Variants in NPLOC4 observed in about 807,000 individuals in gnomAD.
NPLOC4 encodes NPL4 homolog, ubiquitin recognition factor.
NPLOC4 carries 18 observed loss-of-function variants against 80.6 expected under a neutral mutation model. The ratio of observed to expected loss-of-function variants is 0.22; its 90% CI spans 0.15 to 0.33. The LOEUF is 0.33. Among genes scored for constraint, NPLOC4 ranks in the 10% least tolerant of loss-of-function variants. The pLI is 1.00. For synonymous variants in NPLOC4, 313 were observed against 301.5 expected, an observed-to-expected ratio of 1.04 and a Z score of -0.39; for missense variants, 540 against 786.1, an observed-to-expected ratio of 0.69 and a Z score of 3.74.
Position 81,596,182 on chromosome 17 carries a change from G to C in NPLOC4, c.1054C>G (p.Pro352Ala). ...TCTGGAGAGAGCCGGCACATGTTGG[G>C]ATGCTTGTTCTGGAAGTCTCCTGCA... is the stretch of plus-strand genomic sequence containing the variant. ...ITAGDFQNKH[P>A]NMCRLSPDGH... Residue 352 changes from proline to alanine, a missense_variant, in exon 11 of 17, where the codon CCC becomes GCC. Pro to Ala is a conservative substitution (Grantham distance 27, BLOSUM62 -1). This residue lies in a region of NPLOC4 where 251 missense variants were observed against 377.5 expected (regional missense o/e 0.66). Coordinates refer to ENST00000331134, the MANE Select transcript of NPLOC4 (RefSeq NM_017921.4). 6.2e-7 allele frequency: 1 copy of C among 1,613,996 alleles called. No homozygotes were observed. The highest frequency in any genetic ancestry group is 1.1e-5 in the South Asian group (1 of 91,088).
At chr17:81,576,241 A>G (rs904111867) in intron 12 of NPLOC4, among the ~76,000 whole-genome samples, 2 of 152,238 alleles carry the variant, frequency 1.3e-5, no homozygotes, top group Non-Finnish European at 2.9e-5. Context: ...ATAAAATTAA[A>G]TCCTAAAAGC....
chr17:81,565,394 A>G (rs2033979714), intron 16 of NPLOC4, 111 bp downstream of exon 16: 2 of 938,404 alleles, frequency 2.1e-6, no homozygotes, highest in East Asian at 5.2e-5. Flanking sequence ...ACCTGCCAGG[A>G]TGCAGCTGGG....
chr17:81,629,112 T>C (rs1403440178), intron 2 of NPLOC4, among the ~76,000 whole-genome samples: 1 of 151,700 alleles, frequency 6.6e-6, no homozygotes, highest in Non-Finnish European at 1.5e-5. Flanking sequence ...TCTCCTGACC[T>C]TGTGATCCGC....
chr17:81,610,426 T>A (rs2035310218), intron 4 of NPLOC4, among the ~76,000 whole-genome samples, 168 bp from the exon 5 acceptor site: 1 of 152,186 alleles, frequency 6.6e-6, no homozygotes. Flanking sequence ...TTGTTTTGTT[T>A]TGTTTAAAGA....
intron 1 of NPLOC4, among the ~76,000 whole-genome samples, chr17:81,633,122 C>A (rs1401574650): frequency 1.0e-5 from 1 of 100,360 alleles, no homozygotes; most frequent in Admixed American, 1.2e-4. Flanking sequence ...AGCAAGACTC[C>A]GTCTCAAAAA....
At chr17:81,559,994 C>CAA (rs1568111079) in intron 16 of NPLOC4, among the ~76,000 whole-genome samples, 4 of 151,868 alleles carry the variant, frequency 2.6e-5, no homozygotes, top group Non-Finnish European at 5.9e-5. Flanking sequence ...CTTGGCCTCC[C>CAA]AAAGTGCTGG....
rs941224950 is a variant in NPLOC4, at chr17:81,572,857, G to A, written c.1282-769C>T. ...CTGAAAACCCGACTTTCCAGAAACCGAGTACTTGGACATTAATAAAATAAA... is the reference window on the plus strand; with the variant it reads ...CTGAAAACCCGACTTTCCAGAAACCAAGTACTTGGACATTAATAAAATAAA... On this transcript the variant is annotated intron_variant, in intron 12 of 16. Transcript: ENST00000331134. The surrounding 1 kb of genome is among the most constrained non-coding windows in gnomAD (Gnocchi z 4.5). Among the ~76,000 whole-genome samples, 5 of 152,142 alleles carry A rather than the reference G, an allele frequency of 3.3e-5. No individual in the cohort carries two copies. Among genetic ancestry groups the A allele is most frequent in the Admixed American group, 6.5e-5 (1 of 15,284 alleles).
chr17:81,620,261 G>A (rs544523639), intron 3 of NPLOC4, among the ~76,000 whole-genome samples: 18 of 152,264 alleles, frequency 1.2e-4, no homozygotes, highest in Middle Eastern at 6.8e-3. Context: ...ACTTTGGAAG[G>A]CCAAGGCGGG....
intron 11 of NPLOC4, among the ~76,000 whole-genome samples, chr17:81,591,329 G>A (rs2034732347): frequency 6.6e-6 from 1 of 151,772 alleles, no homozygotes; most frequent in Non-Finnish European, 1.5e-5. Context: ...CAGCTACTCA[G>A]GAGGCAGAGG....
chr17:81,604,613 T>A lies in NPLOC4; in HGVS notation c.769A>T (p.Thr257Ser), dbSNP rs1246597164. The change falls in exon 8 of 17, where the codon ACG (threonine) becomes TCG (serine). Residue 257 changes from threonine to serine, a missense_variant. By Grantham distance (58) the Thr-to-Ser change is moderately conservative. This residue lies in a region of NPLOC4 where 61 missense variants were observed against 156.7 expected (regional missense o/e 0.39). Coordinates refer to ENST00000331134, the MANE Select transcript of NPLOC4 (RefSeq NM_017921.4). ...QHFGYLYGRY[T>S]EHKDIPLGIR... is the part of the protein sequence containing the mutation. ...CCAAGGGGAATGTCTTTGTGCTCCG[T>A]GTACCGTCCGTATAAGTACCCAAAA... 1 of 1,613,756 alleles carries A rather than the reference T, an allele frequency of 6.2e-7. No individual in the cohort carries two copies. The highest frequency in any genetic ancestry group is 2.2e-5 in the East Asian group (1 of 44,896).
At chr17:81,594,310 T>A (rs368085521) in intron 11 of NPLOC4, among the ~76,000 whole-genome samples, 62 of 127,698 alleles carry the variant, frequency 4.9e-4, no homozygotes, top group African/African-American at 1.3e-3. Flanking sequence ...AAAAACTGAC[T>A]CAACTAATTC....
In NPLOC4 at chr17:81,588,935, T is replaced by C; in HGVS notation, c.1281+9A>G. On this transcript the variant is annotated intron_variant, in intron 12 of 16. Coordinates refer to ENST00000331134, the MANE Select transcript of NPLOC4 (RefSeq NM_017921.4). ...ATGTACAGAGTTCTTTTTCTTACCA[T>C]ACTTTTACCTTATAAAACACATCAG... 1.9e-6 allele frequency: 3 copies of C among 1,609,534 alleles called. No individual in the cohort carries two copies. The highest frequency in any genetic ancestry group is 2.5e-6 in the Non-Finnish European group (3 of 1,177,930).
At chr17:81,610,069 T>G in intron 5 of NPLOC4, 141 bp downstream of exon 5, 1 of 651,150 alleles carries the variant, frequency 1.5e-6, no homozygotes, top group South Asian at 2.1e-5. Context: ...TAGGGGAATA[T>G]GAGGCCCAGG....
At chr17:81,582,985 C>T (rs927805027) in intron 12 of NPLOC4, among the ~76,000 whole-genome samples, 22 of 152,392 alleles carry the variant, frequency 1.4e-4, no homozygotes, top group Middle Eastern at 3.4e-3. Context: ...CCTGCGGCGC[C>T]GCCCCTGCGC....
intron 6 of NPLOC4, among the ~76,000 whole-genome samples, chr17:81,607,518 T>C (rs1424357006): frequency 6.6e-6 from 1 of 152,240 alleles, no homozygotes; most frequent in Non-Finnish European, 1.5e-5. Context: ...GTGGAACGGC[T>C]AAATTGAGCT....
intron 7 of NPLOC4, among the ~76,000 whole-genome samples, chr17:81,605,997 T>C (rs760098256): frequency 1.9e-4 from 29 of 151,918 alleles, no homozygotes; most frequent in Non-Finnish European, 3.7e-4. Flanking sequence ...ATTTTTTGTA[T>C]TTTTAGTAGA....
rs2034035559 is a variant in NPLOC4, at chr17:81,567,189, T to C, written c.1566+228A>G. ...TCCTCACAGAGGTGCAGACACTCAA[T>C]GGAAATGCTAAAGGTGAAAAAATTA... On this transcript the variant is annotated intron_variant, in intron 15 of 16. Transcript: ENST00000331134. This position sits in a 1 kb window ranked among gnomAD's most constrained non-coding sequence, Gnocchi z 4.5. Among the ~76,000 whole-genome samples the C allele has an allele frequency of 6.6e-6, 1 of 151,930 alleles. No homozygotes were observed. The highest frequency in any genetic ancestry group is 2.1e-4 in the South Asian group (1 of 4,770).
At position 81,600,346 on chromosome 17, in the gene NPLOC4, G is replaced by T; in HGVS notation, c.916C>A (p.Arg306=). The T allele has an allele frequency of 1.9e-6, 3 of 1,609,722 alleles. No individual in the cohort carries two copies. The highest frequency in any genetic ancestry group is 2.5e-6 in the Non-Finnish European group (3 of 1,178,136). ...GCTGCCGGATGCCTCAGTACCTTCC[G>T]CAGGCCAAGTTTGGCAGCAATTTCA... ...VDEIAAKLGL[R]KVGWIFTDLV... The change falls in exon 9 of 17, where the codon CGG becomes AGG. Residue 306 remains arginine, a synonymous_variant. Transcript: ENST00000331134.
At chr17:81,613,958 C>A (rs1017007227) in intron 3 of NPLOC4, among the ~76,000 whole-genome samples, 3 of 152,008 alleles carry the variant, frequency 2.0e-5, no homozygotes, top group Non-Finnish European at 4.4e-5. Flanking sequence ...AGCACAGACA[C>A]GCATAGGAGC....
Sources: allele counts gnomAD v4.1 joint callset (sites outside exome capture counted in the v4.1 genomes callset), GRCh38; gene constraint gnomAD v4.1.1; regional missense constraint gnomAD v4.1.1; non-coding constraint Gnocchi (gnomAD v3.1); transcripts MANE v1.5; gene names NCBI Gene and HGNC (gene_info 2026-07-23, HGNC 2026-07-21).